PCDHA11: variants seen among roughly 807,000 people sequenced by gnomAD.
PCDHA11 encodes the protein protocadherin alpha-11.
PCDHA11 carries 61 observed loss-of-function variants against 70.3 expected under a neutral mutation model. That is an observed-to-expected ratio of 0.87 (90% CI 0.71 to 1.07). PCDHA11 has a LOEUF of 1.07. Ranked by LOEUF, PCDHA11 falls within the 50% of genes least tolerant of loss-of-function variation. PCDHA11 has a pLI of 0.00. For synonymous variants in PCDHA11, 633 were observed against 555.1 expected (o/e 1.14, Z -1.97); for missense variants, 1,324 against 1,237.5 (o/e 1.07, Z -1.05).
chr5:140,923,280 A>C (rs2081292990), intron 1 of PCDHA11, among the ~76,000 whole-genome samples: 1 of 152,220 alleles, frequency 6.6e-6, no homozygotes, highest in South Asian at 2.1e-4. Context: ...CTCTACAAAA[A>C]ATTAAAAATT....
intron 1 of PCDHA11, among the ~76,000 whole-genome samples, chr5:140,893,669 C>T (rs1204530639): frequency 6.6e-6 from 1 of 152,158 alleles, no homozygotes; most frequent in African/African-American, 2.4e-5. Flanking sequence ...AAAATTTCAG[C>T]ACTTTGGATA....
intron 1 of PCDHA11, chr5:140,878,115 A>T: frequency 4.3e-6 from 1 of 232,352 alleles, no homozygotes; most frequent in Non-Finnish European, 8.1e-6. Flanking sequence ...AAAAAACAGT[A>T]TATTAGATTA....
chr5:140,939,993 G>A (rs889924458), intron 1 of PCDHA11, among the ~76,000 whole-genome samples: 3 of 151,902 alleles, frequency 2.0e-5, no homozygotes, highest in African/African-American at 7.3e-5. Context: ...GTTTCTCCTT[G>A]GATTTTGTCA....
rs782346022 is a variant in PCDHA11 at position 140,877,702 on chromosome 5, G to A, written c.2391+6208G>A. On this transcript the variant is annotated intron_variant, in intron 1 of 3. Coordinates refer to ENST00000398640, the MANE Select transcript of PCDHA11 (RefSeq NM_018902.5). Reference sequence around the variant, plus strand: ...CAAGCCCACGCTGGTGTGCTCCAGCGCCGTGGGGAGTTGGTCTTACTCGCA... The same window carrying A: ...CAAGCCCACGCTGGTGTGCTCCAGCACCGTGGGGAGTTGGTCTTACTCGCA... 52 of 1,613,876 alleles carry A rather than the reference G, an allele frequency of 3.2e-5. No homozygotes were observed. In the Admixed American group the frequency reaches 8.7e-4, roughly 27 times the overall value.
Position 140,870,427 on chromosome 5 carries a change from G to T in PCDHA11, c.1324G>T (p.Val442Leu). 3 of 1,614,220 alleles carry T rather than the reference G, an allele frequency of 1.9e-6. No homozygotes were observed. Among genetic ancestry groups the T allele is most frequent in the Non-Finnish European group, 2.5e-6 (3 of 1,180,050 alleles). Residue 442 changes from valine (V) to leucine (L), a missense_variant, in exon 1 of 4, where the codon GTG becomes TTG. Physicochemically the swap from Val to Leu is conservative, Grantham distance 32 (BLOSUM62 1). Transcript: ENST00000398640. ...TCTGTGGGCCACGGCCAGGGTATCCGTGGAGGTGGCCGACGTGAACGACAA... is the reference window on the plus strand; with the variant it reads ...TCTGTGGGCCACGGCCAGGGTATCCTTGGAGGTGGCCGACGTGAACGACAA... ...PSLWATARVS[V>L]EVADVNDNAP...
chr5:140,916,220 A>G (rs886998484), intron 1 of PCDHA11, among the ~76,000 whole-genome samples: 11 of 152,084 alleles, frequency 7.2e-5, no homozygotes, highest in African/African-American at 2.7e-4. Context: ...AGATCCAAAT[A>G]TGCTTTCCAG....
chr5:140,999,528 T>A (rs1414595805), intron 3 of PCDHA11, among the ~76,000 whole-genome samples: 1 of 152,080 alleles, frequency 6.6e-6, no homozygotes, highest in Non-Finnish European at 1.5e-5. Context: ...TGTTACCCCC[T>A]GGATATGACA....
In PCDHA11 at chr5:140,998,789, C is replaced by T. The variant is rs920510450; in HGVS notation, c.2540-10838C>T. On this transcript the variant is annotated intron_variant, in intron 3 of 3. Transcript: ENST00000398640. ...ATGTTGGTCAGGCTGGTCTGGAACC[C>T]CTGACCTCAGGTGATCTGCCTGCCT... 4.6e-5 allele frequency among the ~76,000 whole-genome samples: 7 copies of T among 152,118 alleles called. 1 individual carries two copies. Among genetic ancestry groups the T allele is most frequent in the Admixed American group, 2.6e-4 (4 of 15,262 alleles).
chr5:140,967,641 T>C (rs2096165933), intron 1 of PCDHA11: 1 of 1,614,004 alleles, frequency 6.2e-7, no homozygotes, highest in East Asian at 2.2e-5. Context: ...AATGGTGAGC[T>C]CAGGTACTCC....
intron 2 of PCDHA11, among the ~76,000 whole-genome samples, chr5:140,981,515 A>C (rs1554242933): frequency 1.3e-5 from 2 of 152,230 alleles, no homozygotes. Context: ...CAGAGGTTGC[A>C]GTGAGCTGAG....
chr5:140,998,942 T>C (rs1435302179), intron 3 of PCDHA11, among the ~76,000 whole-genome samples: 4 of 152,222 alleles, frequency 2.6e-5, no homozygotes, highest in Non-Finnish European at 5.9e-5. Flanking sequence ...ATGAAGAAAC[T>C]GTAAGTCAAT....
At chr5:140,876,894 C>G in intron 1 of PCDHA11, 2 of 1,614,132 alleles carry the variant, frequency 1.2e-6, no homozygotes, top group Non-Finnish European at 1.7e-6. Context: ...GCTGCCACAT[C>G]TTCACGGTGT....
chr5:141,010,618 G>T lies in PCDHA11; in HGVS notation c.*681G>T. The T allele has an allele frequency of 5.2e-6, 1 of 191,706 alleles. No individual in the cohort carries two copies. The highest frequency in any genetic ancestry group is 1.1e-5 in the Non-Finnish European group (1 of 92,168). 11.9% of individuals were successfully genotyped at this position (191,706 alleles called of 1,614,324 possible). ...TGTGACGTCATTATACCTAAAATCT[G>T]CATCATACCTGCAAGCCAACAGTTC... is the stretch of plus-strand genomic sequence containing the variant. On this transcript the variant is annotated 3_prime_UTR_variant, in exon 4 of 4. Coordinates refer to ENST00000398640, the MANE Select transcript of PCDHA11 (RefSeq NM_018902.5).
At chr5:140,978,805 T>G in intron 1 of PCDHA11, 144 bp from the exon 2 acceptor site, 4 of 1,492,524 alleles carry the variant, frequency 2.7e-6, no homozygotes, top group Non-Finnish European at 3.6e-6. Flanking sequence ...GTAGATATCA[T>G]CATAGAGTTA....
At chr5:140,952,301 T>C (rs246036) in intron 1 of PCDHA11, among the ~76,000 whole-genome samples, 3 of 149,380 alleles carry the variant, frequency 2.0e-5, no homozygotes. Flanking sequence ...CACAGCCATT[T>C]CACTCCAGCC....
chr5:140,883,966 G>A, intron 1 of PCDHA11: 1 of 1,613,094 alleles, frequency 6.2e-7, no homozygotes. Flanking sequence ...CGGCGCTGCT[G>A]ACGCCCGGGG....
intron 1 of PCDHA11, among the ~76,000 whole-genome samples, chr5:140,971,045 T>G (rs2096453995): frequency 6.6e-6 from 1 of 152,090 alleles, no homozygotes; most frequent in Non-Finnish European, 1.5e-5. Context: ...CGTAAAAGGG[T>G]TTAGCTTTAA....
At chr5:140,883,398 G>A (rs1421475221) in intron 1 of PCDHA11, 1 of 1,614,166 alleles carries the variant, frequency 6.2e-7, no homozygotes, top group Non-Finnish European at 8.5e-7. Flanking sequence ...GTGTCCGATC[G>A]TGACTCTGGC....
At chr5:140,966,724 CGCCTCCGGCCCTGCCCGGCT>C (rs1563354102) in intron 1 of PCDHA11, 1 of 1,396,284 alleles carries the variant, frequency 7.2e-7, no homozygotes, top group Admixed American at 3.3e-5. Flanking sequence ...GGGAAGCTGC[CGCCTCCGGCCCTGCCCGGCT>C]GCCTCCGCCG....
Sources: allele counts gnomAD v4.1 joint callset (sites outside exome capture counted in the v4.1 genomes callset), GRCh38; gene constraint gnomAD v4.1.1; transcripts MANE v1.5; gene names NCBI Gene and HGNC (gene_info 2026-07-23, HGNC 2026-07-21).